The following PCOLCE variants were observed in gnomAD, a reference collection of about 807,000 sequenced individuals.
PCOLCE encodes the protein procollagen C-endopeptidase enhancer, also known as procollagen C-endopeptidase enhancer 1.
PCOLCE carries 33 observed loss-of-function variants against 47.2 expected under a neutral mutation model. That is an observed-to-expected ratio of 0.70 (90% CI 0.53 to 0.93). The LOEUF (loss-of-function observed/expected upper bound fraction) is 0.93. Ranked by LOEUF, PCOLCE falls within the 40% of genes least tolerant of loss-of-function variation. The pLI is 0.00. For missense variants in PCOLCE, 584 were observed against 585.3 expected (o/e 1.00, Z 0.02); for synonymous variants, 254 against 252.5 (o/e 1.01, Z -0.06).
At position 100,605,329 on chromosome 7, in the gene PCOLCE, G is replaced by T; in HGVS notation, c.588+114G>T. 8.9e-7 allele frequency: 1 copy of T among 1,125,602 alleles called. No individual in the cohort carries two copies. Among genetic ancestry groups the T allele is most frequent in the South Asian group, 1.6e-5 (1 of 63,050 alleles). 69.7% of individuals were successfully genotyped at this position (1,125,602 alleles called of 1,614,324 possible). A position where few individuals can be genotyped will look rare whatever the true frequency, so the allele number is the denominator to read the frequency against. On this transcript the variant is annotated intron_variant, in intron 4 of 8. Coordinates refer to ENST00000223061, the MANE Select transcript of PCOLCE (RefSeq NM_002593.4). The surrounding 1 kb of genome is among the most constrained non-coding windows in gnomAD (Gnocchi z 6.1). The stretch of plus-strand genomic sequence containing the variant: ...TGTCCCGAGCACTGCGCTTGCGCTG[G>T]TGGGCACCCAAAACAGCCCCAACCC...
In PCOLCE at chr7:100,605,241, C is replaced by T; in HGVS notation, c.588+26C>T. Reference sequence around the variant, plus strand: ...GTACCGACCCTCCTCCCCGGGCTGCCCTAGGGGACCCAGGCGGCGCCCTCC... The same window carrying T: ...GTACCGACCCTCCTCCCCGGGCTGCTCTAGGGGACCCAGGCGGCGCCCTCC... On this transcript the variant is annotated intron_variant, in intron 4 of 8. Coordinates refer to ENST00000223061, the MANE Select transcript of PCOLCE (RefSeq NM_002593.4). This position sits in a 1 kb window ranked among gnomAD's most constrained non-coding sequence, Gnocchi z 6.1. 6.3e-7 allele frequency: 1 copy of T among 1,593,062 alleles called. No individual in the cohort carries two copies. The highest frequency in any genetic ancestry group is 8.6e-7 in the Non-Finnish European group (1 of 1,165,300).
intron 6 of PCOLCE, 122 bp downstream of exon 6, chr7:100,606,752 C>G: frequency 1.4e-6 from 1 of 713,578 alleles, no homozygotes; most frequent in East Asian, 2.7e-5. Flanking sequence ...ACAGCAGGAT[C>G]GCTTAAGCCT....
chr7:100,607,683 C>G lies in PCOLCE; in HGVS notation c.1059C>G (p.Gly353=), dbSNP rs1457945253. Residue 353 remains glycine, a synonymous_variant, in exon 8 of 9, where the codon GGC becomes GGG. Coordinates refer to ENST00000223061, the MANE Select transcript of PCOLCE (RefSeq NM_002593.4). ...VKSMVREPGE[G]LAVTVSLIGA... The stretch of plus-strand genomic sequence containing the variant: ...CCATGGTTCGGGAGCCAGGGGAGGG[C>G]CTTGCCGTGACTGTCAGTCTTATTG... 5.6e-6 allele frequency: 9 copies of G among 1,614,078 alleles called. No homozygotes were observed. The highest frequency in any genetic ancestry group is 7.6e-6 in the Non-Finnish European group (9 of 1,179,988).
Position 100,605,292 on chromosome 7 carries a change from G to C in PCOLCE, c.588+77G>C. 2 of 1,445,938 alleles carry C rather than the reference G, an allele frequency of 1.4e-6. No individual in the cohort carries two copies. Among genetic ancestry groups the C allele is most frequent in the Non-Finnish European group, 1.9e-6 (2 of 1,055,098 alleles). The allele number at this position is 1,445,938 out of a possible 1,614,324, so 89.6% of individuals were successfully genotyped here. On this transcript the variant is annotated intron_variant, in intron 4 of 8. Coordinates refer to ENST00000223061, the MANE Select transcript of PCOLCE (RefSeq NM_002593.4). The surrounding 1 kb of genome is among the most constrained non-coding windows in gnomAD (Gnocchi z 6.1). ...AGCTTGCAGCCAGCAGAGATTTATT[G>C]AAGATCTGCTGTGTCCCGAGCACTG...
In PCOLCE at chr7:100,602,455, C is replaced by A; in HGVS notation, c.-2C>A. On this transcript the variant is annotated 5_prime_UTR_variant, in exon 1 of 9. Transcript: ENST00000223061. Reference sequence around the variant, plus strand: ...GGACCCCAGCGCCTTTCCCCCGGGGCCATGCTGCCTGCAGCCACAGCCTCC... The same window carrying A: ...GGACCCCAGCGCCTTTCCCCCGGGGACATGCTGCCTGCAGCCACAGCCTCC... The A allele has an allele frequency of 6.2e-7, 1 of 1,606,768 alleles. No individual in the cohort carries two copies. Among genetic ancestry groups the A allele is most frequent in the Non-Finnish European group, 8.5e-7 (1 of 1,175,100 alleles).
rs368766319 is a variant in PCOLCE, at chr7:100,605,723, C to A, written c.636C>A (p.Tyr212Ter). The change falls in exon 5 of 9, where the codon TAC becomes TAA. Residue 212 changes from tyrosine (Y) to a stop codon, truncating the protein, a stop_gained. Coordinates refer to ENST00000223061, the MANE Select transcript of PCOLCE (RefSeq NM_002593.4). LOFTEE classifies it high-confidence loss of function. This position sits in a 1 kb window ranked among gnomAD's most constrained non-coding sequence, Gnocchi z 6.1. ...FEKFDLEPDT[Y>*]CRYDSVSVFN... ...AGTTTGACCTGGAGCCGGACACCTA[C>A]TGCCGCTATGACTCGGTCAGCGTGT... is the stretch of plus-strand genomic sequence containing the variant. The A allele has an allele frequency of 6.3e-6, 10 of 1,575,590 alleles. No individual in the cohort carries two copies. The South Asian group carries it at 1.2e-4, about 18-fold the overall frequency.
Position 100,607,492 on chromosome 7 carries a change from C to T in PCOLCE, c.981C>T (p.Thr327=), listed in dbSNP as rs1193652173. ...TCPKQCRRTG[T]LQSNFCASSL... Reference sequence around the variant, plus strand: ...CAAAGCAGTGCCGCCGGACAGGCACCTTGCAGAGCAACTTCTGTGCCAGCA... The same window carrying T: ...CAAAGCAGTGCCGCCGGACAGGCACTTTGCAGAGCAACTTCTGTGCCAGCA... The change falls in exon 7 of 9, where the codon ACC becomes ACT. Residue 327 remains threonine, a synonymous_variant. Coordinates refer to ENST00000223061, the MANE Select transcript of PCOLCE (RefSeq NM_002593.4). The T allele has an allele frequency of 3.1e-6, 5 of 1,614,120 alleles. No homozygotes were observed. The South Asian group carries it at 4.4e-5, about 14-fold the overall frequency.
chr7:100,605,261 C>T lies in PCOLCE; in HGVS notation c.588+46C>T, dbSNP rs370748989. ...GCTGCCCTAGGGGACCCAGGCGGCG[C>T]CCTCCAGCTTGCAGCCAGCAGAGAT... On this transcript the variant is annotated intron_variant, in intron 4 of 8. Coordinates refer to ENST00000223061, the MANE Select transcript of PCOLCE (RefSeq NM_002593.4). The surrounding 1 kb of genome is among the most constrained non-coding windows in gnomAD (Gnocchi z 6.1). 6.4e-7 allele frequency: 1 copy of T among 1,573,646 alleles called. No homozygotes were observed. The highest frequency in any genetic ancestry group is 1.4e-5 in the African/African-American group (1 of 74,058).
Position 100,604,487 on chromosome 7 carries a change from T to A in PCOLCE, c.463+270T>A. The stretch of plus-strand genomic sequence containing the variant: ...CGACCCGCGGGTGGAATGGGCGGCC[T>A]GGGGTTACTGGGACGGTGAGTAACT... On this transcript the variant is annotated intron_variant, in intron 3 of 8. Coordinates refer to ENST00000223061, the MANE Select transcript of PCOLCE (RefSeq NM_002593.4). This position sits in a 1 kb window ranked among gnomAD's most constrained non-coding sequence, Gnocchi z 6.4. 1 of 559,450 alleles carries A rather than the reference T, an allele frequency of 1.8e-6. No homozygotes were observed. 34.7% of individuals were successfully genotyped at this position (559,450 alleles called of 1,614,324 possible).
chr7:100,605,283 AGATT>A lies in PCOLCE; in HGVS notation c.588+69_588+72del. 1.3e-6 allele frequency: 2 copies of A among 1,500,698 alleles called. No homozygotes were observed. The highest frequency in any genetic ancestry group is 1.8e-6 in the Non-Finnish European group (2 of 1,100,436). 93.0% of individuals were successfully genotyped at this position (1,500,698 alleles called of 1,614,324 possible). On this transcript the variant is annotated intron_variant, in intron 4 of 8. Coordinates refer to ENST00000223061, the MANE Select transcript of PCOLCE (RefSeq NM_002593.4). The surrounding 1 kb of genome is among the most constrained non-coding windows in gnomAD (Gnocchi z 6.1). Reference sequence around the variant, plus strand: ...GCGCCCTCCAGCTTGCAGCCAGCAGAGATTTATTGAAGATCTGCTGTGTCCCGAG... The same window carrying A: ...GCGCCCTCCAGCTTGCAGCCAGCAGATATTGAAGATCTGCTGTGTCCCGAG...
chr7:100,603,321 C>T lies in PCOLCE; in HGVS notation c.96-109C>T, dbSNP rs1802645674. On this transcript the variant is annotated intron_variant, in intron 1 of 8. Coordinates refer to ENST00000223061, the MANE Select transcript of PCOLCE (RefSeq NM_002593.4). ...CTCTCAAGGCCTTTCCATTTCATCC[C>T]CCAGCTTCCCTCCTTGGAGTTTCAT... 6 of 623,556 alleles carry T rather than the reference C, an allele frequency of 9.6e-6. No homozygotes were observed. The East Asian group carries it at 1.8e-4, about 19-fold the overall frequency. The allele number at this position is 623,556 out of a possible 1,614,324, so 38.6% of individuals were successfully genotyped here. A position where few individuals can be genotyped will look rare whatever the true frequency, so the allele number is the denominator to read the frequency against.
chr7:100,603,630 C>T (rs1468518788), intron 2 of PCOLCE, 92 bp downstream of exon 2: 3 of 624,480 alleles, frequency 4.8e-6, no homozygotes, highest in African/African-American at 1.9e-5. Context: ...CCCCCCCGCA[C>T]CACCTTCTCA....
In PCOLCE at chr7:100,603,542, A is replaced by C. The variant is rs765207217; in HGVS notation, c.204+4A>C. 6.6e-7 allele frequency: 1 copy of C among 1,505,388 alleles called. No individual in the cohort carries two copies. Among genetic ancestry groups the C allele is most frequent in the South Asian group, 1.1e-5 (1 of 87,560 alleles). 93.3% of individuals were successfully genotyped at this position (1,505,388 alleles called of 1,614,324 possible). A position where few individuals can be genotyped will look rare whatever the true frequency, so the allele number is the denominator to read the frequency against. On this transcript the variant is annotated splice_donor_region_variant and intron_variant, in intron 2 of 8. Coordinates refer to ENST00000223061, the MANE Select transcript of PCOLCE (RefSeq NM_002593.4). ...GGAGTGCATCTGGACCATAACGGTG[A>C]GAAACCCCTCTGGGCACTACCCCTT...
In PCOLCE at chr7:100,606,599, G is replaced by A. The variant is rs765373851; in HGVS notation, c.909G>A (p.Pro303=). 1.3e-5 allele frequency: 21 copies of A among 1,612,576 alleles called. No individual in the cohort carries two copies. The highest frequency in any genetic ancestry group is 1.6e-4 in the Middle Eastern group (1 of 6,076). ...KVKLPPKSQP[P]EKTEESPSAP... ...AGCTGCCCCCCAAGTCCCAACCTCCGGAGAAAACAGAGGAATCTCCTTCAG... is the reference window on the plus strand; with the variant it reads ...AGCTGCCCCCCAAGTCCCAACCTCCAGAGAAAACAGAGGAATCTCCTTCAG... Residue 303 remains proline (P), a synonymous_variant, in exon 6 of 9, where the codon CCG becomes CCA. Coordinates refer to ENST00000223061, the MANE Select transcript of PCOLCE (RefSeq NM_002593.4).
At position 100,604,522 on chromosome 7, in the gene PCOLCE, C is replaced by T. The variant is rs867344718; in HGVS notation, c.463+305C>T. ...GGGACGGTGAGTAACTGCCGGCCCC[C>T]GTCCGCAATCGGGCTCCCTCCGTCG... On this transcript the variant is annotated intron_variant, in intron 3 of 8. Transcript: ENST00000223061. This position sits in a 1 kb window ranked among gnomAD's most constrained non-coding sequence, Gnocchi z 6.4. 2 of 487,836 alleles carry T rather than the reference C, an allele frequency of 4.1e-6. No homozygotes were observed. The highest frequency in any genetic ancestry group is 7.1e-4 in the Middle Eastern group (2 of 2,814). The allele number at this position is 487,836 out of a possible 1,614,324, so 30.2% of individuals were successfully genotyped here.
rs753772254 is a variant in PCOLCE, at chr7:100,605,810, G to C, written c.723G>C (p.Pro241=). 8 of 1,551,936 alleles carry C rather than the reference G, an allele frequency of 5.2e-6. No homozygotes were observed. Among genetic ancestry groups the C allele is most frequent in the African/African-American group, 1.4e-5 (1 of 73,288 alleles). Residue 241 remains proline (P), a splice_region_variant and synonymous_variant, in exon 5 of 9, where the codon CCG becomes CCC. Coordinates refer to ENST00000223061, the MANE Select transcript of PCOLCE (RefSeq NM_002593.4). The surrounding 1 kb of genome is among the most constrained non-coding windows in gnomAD (Gnocchi z 6.1). The part of the protein sequence containing the change: ...RLGKFCGDAV[P]GSISSEGNEL... ...GGAAGTTCTGCGGCGACGCAGTCCC[G>C]GGGTGAGGGGCGGGACCTGGGCGAG...
Position 100,607,889 on chromosome 7 carries a change from G to A in PCOLCE, c.1184-48G>A, listed in dbSNP as rs1299390383. 7 of 1,608,010 alleles carry A rather than the reference G, an allele frequency of 4.4e-6. No individual in the cohort carries two copies. In the Admixed American group the frequency reaches 5.0e-5, roughly 12 times the overall value. On this transcript the variant is annotated intron_variant, in intron 8 of 8. Transcript: ENST00000223061. ...AAGGTGTGGAATCTTGAGACCTGCTGACAGGTCTCAAGAATAAGAGATCTC... is the reference window on the plus strand; with the variant it reads ...AAGGTGTGGAATCTTGAGACCTGCTAACAGGTCTCAAGAATAAGAGATCTC...
Position 100,604,187 on chromosome 7 carries a change from T to A in PCOLCE, c.433T>A (p.Trp145Arg). The A allele has an allele frequency of 6.2e-7, 1 of 1,612,900 alleles. No homozygotes were observed. Among genetic ancestry groups the A allele is most frequent in the South Asian group, 1.1e-5 (1 of 91,072 alleles). ...EGTGGRGFLL[W>R]YSGRATSGTE... ...CACAGGAGGACGAGGCTTCCTGCTC[T>A]GGTACAGCGGGCGGGCCACCTCGGG... The change falls in exon 3 of 9, where the codon TGG (tryptophan) becomes AGG (arginine). Residue 145 changes from tryptophan to arginine, a missense_variant. Coordinates refer to ENST00000223061, the MANE Select transcript of PCOLCE (RefSeq NM_002593.4). The surrounding 1 kb of genome is among the most constrained non-coding windows in gnomAD (Gnocchi z 6.4).
intron 5 of PCOLCE, 74 bp from the exon 6 acceptor site, chr7:100,606,342 A>AC: frequency 9.5e-7 from 1 of 1,050,820 alleles, no homozygotes; most frequent in Non-Finnish European, 1.4e-6. Flanking sequence ...CAAACAAAAA[A>AC]GGTCATGGGG....
Sources: allele counts gnomAD v4.1 joint callset, GRCh38; gene constraint gnomAD v4.1.1; non-coding constraint Gnocchi (gnomAD v3.1); transcripts MANE v1.5; gene names NCBI Gene and HGNC (gene_info 2026-07-23, HGNC 2026-07-21).